The following MRTFA variants were observed in gnomAD, a reference collection of about 807,000 sequenced individuals.
The protein encoded by MRTFA is myocardin related transcription factor A.
MRTFA carries 20 observed loss-of-function variants against 83.5 expected under a neutral mutation model. The observed-to-expected ratio is 0.24, with a 90% CI of 0.17 to 0.35. The LOEUF (loss-of-function observed/expected upper bound fraction) is 0.35. Among genes scored for constraint, MRTFA ranks in the 10% least tolerant of loss-of-function variants. MRTFA has a pLI of 1.00. For missense variants in MRTFA, 1,200 were observed against 1,224.7 expected (o/e 0.98, Z 0.30); for synonymous variants, 659 against 541.2 (o/e 1.22, Z -3.02).
intron 1 of MRTFA, among the ~76,000 whole-genome samples, chr22:40,630,008 G>A (rs910740602): frequency 2.6e-5 from 4 of 151,820 alleles, no homozygotes; most frequent in Non-Finnish European, 4.4e-5. Context: ...TTAATCTGGA[G>A]GGCATTTAAA....
In MRTFA at chr22:40,419,354, G is replaced by GC. The variant is rs748972498; in HGVS notation, c.1383dup (p.Arg462AlafsTer11). ...TTGGTGCCCGAGACAGGCAGTGATC[G>GC]CAACTTCAGCTCCTGCTTCAGCTCT... On this transcript the variant is annotated frameshift_variant, in exon 12 of 15. Coordinates refer to ENST00000355630, the MANE Select transcript of MRTFA (RefSeq NM_020831.6). LOFTEE classifies it high-confidence loss of function. 6.2e-7 allele frequency: 1 copy of GC among 1,613,776 alleles called. No homozygotes were observed.
chr22:40,533,066 T>C (rs138124532), intron 3 of MRTFA, among the ~76,000 whole-genome samples: 8 of 152,336 alleles, frequency 5.3e-5, no homozygotes, highest in East Asian at 1.9e-4. Context: ...GACTGACTCT[T>C]TGCTCAAACT....
At chr22:40,575,626 A>C (rs1275296225) in intron 2 of MRTFA, among the ~76,000 whole-genome samples, 1 of 152,224 alleles carries the variant, frequency 6.6e-6, no homozygotes, top group East Asian at 1.9e-4. Context: ...TAGGTGATAT[A>C]AACAATCCAT....
chr22:40,618,130 A>G (rs2056476639), intron 1 of MRTFA, among the ~76,000 whole-genome samples: 1 of 151,452 alleles, frequency 6.6e-6, no homozygotes, highest in Non-Finnish European at 1.5e-5. Context: ...GCTGGAGCAC[A>G]CTGGCACAAT....
chr22:40,461,890 A>G (rs1316851600), intron 4 of MRTFA, among the ~76,000 whole-genome samples: 1 of 151,986 alleles, frequency 6.6e-6, no homozygotes, highest in Non-Finnish European at 1.5e-5. Flanking sequence ...ACCCATCTTC[A>G]CTTGCCCCTT....
At chr22:40,589,049 C>T (rs907653715) in intron 2 of MRTFA, among the ~76,000 whole-genome samples, 8 of 152,032 alleles carry the variant, frequency 5.3e-5, no homozygotes, top group South Asian at 2.1e-4. Context: ...CATAGCACTA[C>T]GCAGTGCCGA....
chr22:40,612,564 A>G (rs1262809267), intron 1 of MRTFA, among the ~76,000 whole-genome samples: 1 of 152,208 alleles, frequency 6.6e-6, no homozygotes, highest in Non-Finnish European at 1.5e-5. Flanking sequence ...ATTTGCATAC[A>G]ATAAAAAGCA....
chr22:40,561,677 G>A (rs2055619797), intron 2 of MRTFA, among the ~76,000 whole-genome samples: 1 of 152,058 alleles, frequency 6.6e-6, no homozygotes, highest in Middle Eastern at 3.2e-3. Context: ...ATCTAAAAAC[G>A]AGGAGTACAA....
chr22:40,611,169 C>T (rs2056383989), intron 1 of MRTFA, among the ~76,000 whole-genome samples: 1 of 151,990 alleles, frequency 6.6e-6, no homozygotes. Context: ...GAACTCCTGA[C>T]CTAAAGTGAT....
intron 1 of MRTFA, among the ~76,000 whole-genome samples, chr22:40,605,054 A>T (rs1217325096): frequency 6.6e-6 from 1 of 152,188 alleles, no homozygotes; most frequent in Non-Finnish European, 1.5e-5. Flanking sequence ...GACCCATGTT[A>T]ACCTTTATCA....
chr22:40,544,943 T>TA, intron 3 of MRTFA, among the ~76,000 whole-genome samples: 1 of 149,664 alleles, frequency 6.7e-6, no homozygotes, highest in African/African-American at 2.5e-5. Flanking sequence ...AATAAATAAA[T>TA]AAATAAATAA....
intron 3 of MRTFA, among the ~76,000 whole-genome samples, chr22:40,502,734 C>T (rs1005482123): frequency 6.6e-6 from 1 of 151,628 alleles, no homozygotes. Context: ...CCGCGGGGCC[C>T]GTCTGCTTCT....
chr22:40,586,949 C>T (rs1332204912), intron 2 of MRTFA: 2 of 446,590 alleles, frequency 4.5e-6, no homozygotes, highest in East Asian at 7.0e-5. Flanking sequence ...CTGCCACCGC[C>T]GCCGCTGCCT....
intron 2 of MRTFA, among the ~76,000 whole-genome samples, chr22:40,558,420 C>T: frequency 6.6e-6 from 1 of 151,608 alleles, no homozygotes; most frequent in Non-Finnish European, 1.5e-5. Flanking sequence ...ACCATATATT[C>T]TTTAAAATGA....
intron 3 of MRTFA, among the ~76,000 whole-genome samples, chr22:40,531,308 T>TG (rs1286413779): frequency 6.7e-6 from 1 of 149,274 alleles, no homozygotes; most frequent in East Asian, 2.0e-4. Context: ...AGATGGGTCT[T>TG]GAACTCTTGG....
At chr22:40,498,016 T>C (rs1012070038) in intron 3 of MRTFA, among the ~76,000 whole-genome samples, 2 of 151,650 alleles carry the variant, frequency 1.3e-5, no homozygotes, top group South Asian at 2.1e-4. Context: ...GGCGCATGCC[T>C]GTAGTCCCAG....
chr22:40,472,663 T>C (rs1228298585), intron 3 of MRTFA, among the ~76,000 whole-genome samples: 2 of 152,220 alleles, frequency 1.3e-5, no homozygotes, highest in Non-Finnish European at 2.9e-5. Flanking sequence ...TCCCATCTCA[T>C]GAAGTTTAGC....
intron 1 of MRTFA, among the ~76,000 whole-genome samples, chr22:40,632,128 A>G (rs548080396): frequency 6.6e-6 from 1 of 152,328 alleles, no homozygotes; most frequent in South Asian, 2.1e-4. Flanking sequence ...CTGCCATGCC[A>G]TGAAGGCATT....
chr22:40,472,552 A>ATGTTTTTC (rs1159160040), intron 3 of MRTFA, among the ~76,000 whole-genome samples: 18 of 152,228 alleles, frequency 1.2e-4, no homozygotes, highest in Admixed American at 1.1e-3. Flanking sequence ...TCACATTGAA[A>ATGTTTTTC]AACTTAAGAA....
Sources: allele counts gnomAD v4.1 joint callset (sites outside exome capture counted in the v4.1 genomes callset), GRCh38; gene constraint gnomAD v4.1.1; transcripts MANE v1.5; gene names NCBI Gene and HGNC (gene_info 2026-07-23, HGNC 2026-07-21).